EML6: variants seen among roughly 807,000 people sequenced by gnomAD.
The protein encoded by EML6 is echinoderm microtubule-associated protein-like 6.
Under a neutral mutation model 240.1 loss-of-function variants are expected in EML6, and 154 were observed. That is an observed-to-expected ratio of 0.64 (90% CI 0.56 to 0.73). EML6 has a LOEUF of 0.73. EML6 is among the 30% of genes least tolerant of loss of function. The pLI, the probability that EML6 is intolerant of heterozygous loss-of-function variation, is 0.00. For missense variants in EML6, 2,964 were observed against 2,474.6 expected, an observed-to-expected ratio of 1.20 and a Z score of -4.20; for synonymous variants, 1,148 against 899.0, an observed-to-expected ratio of 1.28 and a Z score of -4.95.
At chr2:54,884,745 G>A (rs1672029538) in intron 17 of EML6, among the ~76,000 whole-genome samples, 2 of 152,204 alleles carry the variant, frequency 1.3e-5, no homozygotes, top group Non-Finnish European at 2.9e-5. Context: ...GTTTGGCATT[G>A]TATAAATACA....
chr2:54,965,398 G>A (rs1477548521), intron 38 of EML6, among the ~76,000 whole-genome samples: 1 of 152,176 alleles, frequency 6.6e-6, no homozygotes, highest in Non-Finnish European at 1.5e-5. Flanking sequence ...GACTGGTCCC[G>A]TAACCACCCA....
At chr2:54,886,160 CTTTTTTTTT>C (rs869107962) in intron 17 of EML6, among the ~76,000 whole-genome samples, 1 of 82,216 alleles carries the variant, frequency 1.2e-5, no homozygotes, top group African/African-American at 4.3e-5. Context: ...TTTTAACCTT[CTTTTTTTTT>C]TTTTTTTTTT....
At chr2:54,902,961 C>G in intron 22 of EML6, 83 bp from the exon 23 acceptor site, 1 of 1,283,780 alleles carries the variant, frequency 7.8e-7, no homozygotes, top group South Asian at 1.4e-5. Flanking sequence ...TAATGCACAT[C>G]ATCAGATTTC....
chr2:54,853,944 C>G, intron 11 of EML6, 89 bp downstream of exon 11: 1 of 693,614 alleles, frequency 1.4e-6, no homozygotes, highest in Non-Finnish European at 2.3e-6. Context: ...CTGTCTATTC[C>G]AATGCACTGT....
At chr2:54,968,396 A>G (rs929294897) in intron 40 of EML6, 115 bp downstream of exon 40, 1 of 1,024,320 alleles carries the variant, frequency 9.8e-7, no homozygotes, top group African/African-American at 1.6e-5. Context: ...GTCCCGGTAC[A>G]GTGGAAATAT....
intron 2 of EML6, among the ~76,000 whole-genome samples, chr2:54,732,637 G>A (rs1683225366): frequency 6.6e-6 from 1 of 152,198 alleles, no homozygotes; most frequent in Non-Finnish European, 1.5e-5. Context: ...AGAAGATGCT[G>A]AATGTTTGGG....
At chr2:54,854,936 G>A (rs1023694535) in intron 11 of EML6, among the ~76,000 whole-genome samples, 1 of 152,198 alleles carries the variant, frequency 6.6e-6, no homozygotes, top group Non-Finnish European at 1.5e-5. Context: ...TCAGAATTGA[G>A]AAGAAACAAC....
intron 32 of EML6, among the ~76,000 whole-genome samples, chr2:54,954,427 C>T (rs553561177): frequency 4.6e-5 from 7 of 152,252 alleles, no homozygotes; most frequent in African/African-American, 1.7e-4. Context: ...GTTGGCAGCC[C>T]TCCTCCTCGG....
At chr2:54,750,938 G>A (rs147712678) in intron 2 of EML6, among the ~76,000 whole-genome samples, 2 of 152,140 alleles carry the variant, frequency 1.3e-5, no homozygotes, top group Non-Finnish European at 2.9e-5. Flanking sequence ...TTTTTAAAAA[G>A]GGGAGAAGAG....
chr2:54,800,143 G>A (rs1048607960), intron 2 of EML6, among the ~76,000 whole-genome samples: 2 of 152,324 alleles, frequency 1.3e-5, no homozygotes, highest in African/African-American at 4.8e-5. Context: ...TACTCGGGAG[G>A]CTGAGGCAGA....
At chr2:54,960,174 C>T (rs957880823) in intron 34 of EML6, 46 bp from the exon 35 acceptor site, 2 of 1,394,636 alleles carry the variant, frequency 1.4e-6, no homozygotes, top group South Asian at 1.2e-5. Flanking sequence ...GGTAGTGGGT[C>T]TTAGGATGAG....
chr2:54,897,980 T>C (rs950955643), intron 21 of EML6, among the ~76,000 whole-genome samples: 2 of 152,124 alleles, frequency 1.3e-5, no homozygotes, highest in African/African-American at 4.8e-5. Flanking sequence ...TTAGATCCAC[T>C]TTGCCGGTTT....
At chr2:54,937,070 A>G (rs1675175009) in intron 28 of EML6, among the ~76,000 whole-genome samples, 1 of 150,832 alleles carries the variant, frequency 6.6e-6, no homozygotes, top group Non-Finnish European at 1.5e-5. Flanking sequence ...ACCAGAGGTC[A>G]GGAGTTCGAG....
At chr2:54,853,597 A>T (rs1452700228) in intron 10 of EML6, 46 bp from the exon 11 acceptor site, 3 of 1,178,528 alleles carry the variant, frequency 2.5e-6, no homozygotes, top group Non-Finnish European at 2.3e-6. Context: ...AATAAATTAG[A>T]ATAAACTTTT....
intron 19 of EML6, among the ~76,000 whole-genome samples, chr2:54,893,444 C>G (rs1672585937): frequency 6.6e-6 from 1 of 152,088 alleles, no homozygotes; most frequent in South Asian, 2.1e-4. Context: ...TGAACCCACT[C>G]CTACAATAAT....
intron 7 of EML6, among the ~76,000 whole-genome samples, chr2:54,835,069 A>T (rs1329046711): frequency 1.3e-5 from 2 of 151,860 alleles, no homozygotes; most frequent in Non-Finnish European, 2.9e-5. Flanking sequence ...TGCCTGTGAC[A>T]CTCTTGCCTA....
chr2:54,961,184 G>GTTCTTTTTTTTTTTTTTTTTTTTTTTT lies in EML6; in HGVS notation c.4968+852_4968+853insCTTTTTTTTTTTTTTTTTTTTTTTTTT. Among the ~76,000 whole-genome samples the GTTCTTTTTTTTTTTTTTTTTTTTTTTT allele has an allele frequency of 3.6e-5, 2 of 55,424 alleles. 1 individual carries two copies. The highest frequency in any genetic ancestry group is 1.6e-4 in the African/African-American group (2 of 12,356). The allele number at this position is 55,424 out of a possible 152,430, so 36.4% of individuals were successfully genotyped here. On this transcript the variant is annotated intron_variant, in intron 35 of 41. Transcript: ENST00000356458. ...GGAGCCTGGAAGTTATCAGGAAGTA[G>GTTCTTTTTTTTTTTTTTTTTTTTTTTT]TTTTTTTTTTTTTTTTTTTGAGACG...
At chr2:54,818,923 G>A (rs539793280) in intron 4 of EML6, among the ~76,000 whole-genome samples, 3 of 152,120 alleles carry the variant, frequency 2.0e-5, no homozygotes, top group Admixed American at 2.0e-4. Context: ...TATTTTAGTG[G>A]CACTAAAATA....
At chr2:54,894,159 TA>T (rs980206548) in intron 19 of EML6, among the ~76,000 whole-genome samples, 3 of 151,290 alleles carry the variant, frequency 2.0e-5, no homozygotes, top group Admixed American at 1.3e-4. Context: ...TGCATTAAAT[TA>T]AAAGTTGCTA....
Sources: allele counts gnomAD v4.1 joint callset (sites outside exome capture counted in the v4.1 genomes callset), GRCh38; gene constraint gnomAD v4.1.1; transcripts MANE v1.5; gene names NCBI Gene and HGNC (gene_info 2026-07-23, HGNC 2026-07-21).